Variants in PDE4B observed in about 807,000 individuals in gnomAD.
PDE4B encodes phosphodiesterase 4B, also known as 3',5'-cyclic-AMP phosphodiesterase 4B.
In PDE4B, 20 loss-of-function variants were observed where a neutral mutation model predicts 82.2. That is an observed-to-expected ratio of 0.24 (90% CI 0.17 to 0.35). The LOEUF (loss-of-function observed/expected upper bound fraction) is 0.35. PDE4B is among the 10% of genes least tolerant of loss of function. The pLI, the probability that PDE4B is intolerant of heterozygous loss-of-function variation, is 1.00. For missense variants in PDE4B, 655 were observed against 907.2 expected (o/e 0.72, Z 3.57); for synonymous variants, 320 against 318.9 (o/e 1.00, Z -0.04).
chr1:66,049,739 G>A (rs1360318503), intron 3 of PDE4B, among the ~76,000 whole-genome samples: 3 of 151,974 alleles, frequency 2.0e-5, no homozygotes, highest in Non-Finnish European at 4.4e-5. Flanking sequence ...CTTCCTGAAT[G>A]TATAAATGTG....
At chr1:66,257,742 T>G (rs1380390241) in intron 5 of PDE4B, 51 bp from the exon 6 acceptor site, 1 of 1,605,972 alleles carries the variant, frequency 6.2e-7, no homozygotes, top group Non-Finnish European at 8.5e-7. Flanking sequence ...AGTCTGAACC[T>G]GGCCATTTGT....
intron 3 of PDE4B, among the ~76,000 whole-genome samples, chr1:66,077,546 G>C (rs1656499637): frequency 6.6e-6 from 1 of 152,110 alleles, no homozygotes; most frequent in Non-Finnish European, 1.5e-5. Context: ...CCAGTGCCTA[G>C]GATATGTAGA....
At chr1:65,952,696 T>A (rs1195030821) in intron 3 of PDE4B, among the ~76,000 whole-genome samples, 5 of 151,832 alleles carry the variant, frequency 3.3e-5, no homozygotes, top group Non-Finnish European at 7.4e-5. Context: ...AAAATAAAAA[T>A]ATAAAAATAA....
At chr1:65,796,633 T>A (rs1223659480) in intron 1 of PDE4B, among the ~76,000 whole-genome samples, 1 of 148,984 alleles carries the variant, frequency 6.7e-6, no homozygotes, top group Non-Finnish European at 1.5e-5. Context: ...GAATTTGTAT[T>A]TGCTTGCTGA....
At chr1:65,925,030 T>C (rs939922838) in intron 3 of PDE4B, among the ~76,000 whole-genome samples, 2 of 152,196 alleles carry the variant, frequency 1.3e-5, no homozygotes, top group East Asian at 3.8e-4. Flanking sequence ...TGGAGATCAT[T>C]GGAGATCAGT....
intron 3 of PDE4B, among the ~76,000 whole-genome samples, chr1:66,011,912 A>G (rs1262674476): frequency 6.6e-6 from 1 of 152,188 alleles, no homozygotes; most frequent in African/African-American, 2.4e-5. Flanking sequence ...TGATGGATAC[A>G]TAAAGAATTT....
intron 1 of PDE4B, among the ~76,000 whole-genome samples, chr1:65,875,720 A>G (rs1180581477): frequency 1.4e-5 from 2 of 148,030 alleles, no homozygotes. Context: ...CAAACACCGC[A>G]TATTCTCACT....
intron 3 of PDE4B, among the ~76,000 whole-genome samples, chr1:66,043,798 G>C (rs1195666015): frequency 6.6e-6 from 1 of 151,684 alleles, no homozygotes; most frequent in African/African-American, 2.4e-5. Flanking sequence ...ACAGGCAACA[G>C]GATTGTGTTC....
At chr1:66,168,349 A>G (rs936965900) in intron 3 of PDE4B, among the ~76,000 whole-genome samples, 2 of 152,080 alleles carry the variant, frequency 1.3e-5, no homozygotes, top group Non-Finnish European at 2.9e-5. Flanking sequence ...TGTTGTGAGA[A>G]AAAAAAAGCA....
chr1:65,865,668 G>A (rs1469772106), intron 1 of PDE4B, among the ~76,000 whole-genome samples: 1 of 152,160 alleles, frequency 6.6e-6, no homozygotes, highest in Non-Finnish European at 1.5e-5. Context: ...TCCCAGGTGA[G>A]GCATGCCCCA....
chr1:66,134,417 T>A (rs1181343815), intron 3 of PDE4B, among the ~76,000 whole-genome samples: 1 of 152,224 alleles, frequency 6.6e-6, no homozygotes, highest in Non-Finnish European at 1.5e-5. Flanking sequence ...TTTACAGTAT[T>A]TGATTCTTCT....
intron 7 of PDE4B, among the ~76,000 whole-genome samples, chr1:66,326,903 G>T (rs1659784905): frequency 1.3e-5 from 2 of 152,146 alleles, no homozygotes; most frequent in African/African-American, 4.8e-5. Flanking sequence ...AAAGTTAAAT[G>T]ATGCCAGATA....
At chr1:66,312,436 A>G (rs958669195) in intron 7 of PDE4B, among the ~76,000 whole-genome samples, 1 of 151,870 alleles carries the variant, frequency 6.6e-6, no homozygotes, top group Non-Finnish European at 1.5e-5. Context: ...GCCCCCTTTC[A>G]TTTTCAAAGG....
chr1:65,832,788 C>T (rs992979845), intron 1 of PDE4B, among the ~76,000 whole-genome samples: 8 of 152,052 alleles, frequency 5.3e-5, no homozygotes, highest in Admixed American at 3.3e-4. Context: ...GAGTGAGGGT[C>T]GTGAGCATCA....
At chr1:65,880,526 G>A (rs1281044274) in intron 1 of PDE4B, among the ~76,000 whole-genome samples, 1 of 152,144 alleles carries the variant, frequency 6.6e-6, no homozygotes, top group Non-Finnish European at 1.5e-5. Context: ...AGATGATTAG[G>A]TGATGAGGAT....
chr1:65,875,055 A>C (rs1376047237), intron 1 of PDE4B, among the ~76,000 whole-genome samples: 2 of 151,072 alleles, frequency 1.3e-5, no homozygotes, highest in Non-Finnish European at 3.0e-5. Flanking sequence ...TACTCATCTG[A>C]CAAAGGGCTA....
chr1:65,876,846 C>T (rs191809064), intron 1 of PDE4B, among the ~76,000 whole-genome samples: 60 of 152,002 alleles, frequency 3.9e-4, no homozygotes, highest in African/African-American at 7.7e-4. Flanking sequence ...TTACAAGGGA[C>T]GTGAAGAAGG....
rs548553999 is a variant in PDE4B at position 66,087,439 on chromosome 1, T to C, written c.282-160021T>C. 1.8e-3 allele frequency among the ~76,000 whole-genome samples: 280 copies of C among 152,280 alleles called. 1 individual carries two copies. Among genetic ancestry groups the C allele is most frequent in the African/African-American group, 6.5e-3 (270 of 41,586 alleles). ...GTTGCGAAAATTTTCTCCCATTTTGTAGATTGCCTGTTCACTCTGATGGTA... is the reference window on the plus strand; with the variant it reads ...GTTGCGAAAATTTTCTCCCATTTTGCAGATTGCCTGTTCACTCTGATGGTA... On this transcript the variant is annotated intron_variant, in intron 3 of 16. Transcript: ENST00000341517.
At chr1:66,301,392 C>A (rs1052099976) in intron 7 of PDE4B, among the ~76,000 whole-genome samples, 1 of 152,018 alleles carries the variant, frequency 6.6e-6, no homozygotes, top group Admixed American at 6.6e-5. Flanking sequence ...TTGTTGTTGT[C>A]ATTTTCTCTC....
Sources: gnomAD v4.1 joint callset for allele counts (sites outside exome capture counted in the v4.1 genomes callset) on GRCh38, gnomAD v4.1.1 for gene constraint, MANE v1.5 for transcripts, NCBI Gene and HGNC (gene_info 2026-07-23, HGNC 2026-07-21) for gene names.